Variants in BLM observed in about 807,000 individuals in gnomAD.
The protein encoded by BLM is recQ-like DNA helicase BLM.
Under a neutral mutation model 135.3 loss-of-function variants are expected in BLM, and 95 were observed. That is an observed-to-expected ratio of 0.70 (90% CI 0.59 to 0.83). The LOEUF is 0.83. BLM is among the 40% of genes least tolerant of loss of function. The pLI is 0.00. For synonymous variants in BLM, 520 were observed against 589.2 expected (o/e 0.88, Z 1.70); for missense variants, 1,518 against 1,663.9 (o/e 0.91, Z 1.53).
intron 14 of BLM, among the ~76,000 whole-genome samples, chr15:90,785,542 C>A (rs1378659889): frequency 1.5e-5 from 2 of 137,246 alleles, no homozygotes; most frequent in African/African-American, 5.4e-5. Flanking sequence ...TGTGACTTTT[C>A]TTTTTTTTTT....
rs759308711 is a variant in BLM, at chr15:90,760,271, G to C, written c.1212G>C (p.Arg404=). The C allele has an allele frequency of 6.2e-7, 1 of 1,614,000 alleles. No individual in the cohort carries two copies. The highest frequency in any genetic ancestry group is 8.5e-7 in the Non-Finnish European group (1 of 1,179,994). Residue 404 remains arginine, a synonymous_variant, in exon 6 of 22, where the codon CGG becomes CGC. Transcript: ENST00000355112. ...LDCGNELLQQ[R]NIRRKLLTEV... The stretch of plus-strand genomic sequence containing the variant: ...GTGGGAACGAACTGCTTCAGCAGCG[G>C]AACATAAGGTATCTTAATTTTCCCC...
At chr15:90,765,150 G>A in intron 8 of BLM, 146 bp from the exon 9 acceptor site, 2 of 729,208 alleles carry the variant, frequency 2.7e-6, no homozygotes, top group Non-Finnish European at 2.5e-6. Flanking sequence ...AAATATAATA[G>A]TTTGAGTCAT....
At chr15:90,794,610 C>T (rs1420429528) in intron 16 of BLM, among the ~76,000 whole-genome samples, 1 of 151,272 alleles carries the variant, frequency 6.6e-6, no homozygotes, top group Non-Finnish European at 1.5e-5. Flanking sequence ...TATATATGTG[C>T]ACTGATGATT....
chr15:90,785,492 G>A (rs1033212223), intron 14 of BLM, among the ~76,000 whole-genome samples: 7 of 150,584 alleles, frequency 4.6e-5, no homozygotes, highest in African/African-American at 1.7e-4. Flanking sequence ...TTATTACTCT[G>A]TACATTGCAT....
At chr15:90,740,034 G>T (rs1276299573) in intron 1 of BLM, among the ~76,000 whole-genome samples, 1 of 152,080 alleles carries the variant, frequency 6.6e-6, no homozygotes, top group Admixed American at 6.6e-5. Flanking sequence ...CAAAGGGCTG[G>T]GATTACAGGC....
chr15:90,812,286 C>T (rs978968098), intron 21 of BLM, among the ~76,000 whole-genome samples: 8 of 152,074 alleles, frequency 5.3e-5, no homozygotes, highest in African/African-American at 1.9e-4. Context: ...ACAGAGAAAC[C>T]AAAAGTTCAG....
Position 90,784,394 on chromosome 15 carries a change from G to A in BLM, c.2663-527G>A, listed in dbSNP as rs528072144. ...TATCTCCAGGCAGGAGTGCGGTGGT[G>A]CGATCTCGGCTCACTGCAACCTCTA... is the stretch of plus-strand genomic sequence containing the variant. On this transcript the variant is annotated intron_variant, in intron 13 of 21. Transcript: ENST00000355112. Among the ~76,000 whole-genome samples, 20 of 141,186 alleles carry A rather than the reference G, an allele frequency of 1.4e-4. No homozygotes were observed. The Admixed American group carries it at 1.4e-3, about 10-fold the overall frequency. The allele number at this position is 141,186 out of a possible 152,430, so 92.6% of individuals were successfully genotyped here.
At position 90,769,483 on chromosome 15, in the gene BLM, C is replaced by G. The variant is rs1279814185; in HGVS notation, c.2452C>G (p.Arg818Gly). ...AGATTACAAAAGAATGAATATGCTT[C>G]GCCAGAAGTTTCCTTCTGTTCCGGT... Reference protein sequence around the residue: ...RQDYKRMNMLRQKFPSVPVMA... With the variant: ...RQDYKRMNMLGQKFPSVPVMA... Residue 818 changes from arginine (R) to glycine (G), a missense_variant, in exon 12 of 22, where the codon CGC (arginine) becomes GGC (glycine). Physicochemically the swap from Arg to Gly is moderately radical, Grantham distance 125. Around this residue, in one of 5 missense-constraint regions of BLM, gnomAD observed 626 missense variants for 681.1 expected, o/e 0.92. Coordinates refer to ENST00000355112, the MANE Select transcript of BLM (RefSeq NM_000057.4). The G allele has an allele frequency of 2.0e-5, 32 of 1,613,916 alleles. No homozygotes were observed. The highest frequency in any genetic ancestry group is 2.6e-5 in the Non-Finnish European group (31 of 1,179,958).
chr15:90,756,244 C>T (rs1895815147), intron 5 of BLM, among the ~76,000 whole-genome samples: 1 of 152,136 alleles, frequency 6.6e-6, no homozygotes, highest in African/African-American at 2.4e-5. Flanking sequence ...GCTGGGATTA[C>T]AGGTGTGTAC....
rs1897535910 is a variant in BLM at position 90,815,347 on chromosome 15, A to G, written c.*68A>G. The G allele has an allele frequency of 6.5e-7, 1 of 1,542,526 alleles. No homozygotes were observed. The highest frequency in any genetic ancestry group is 9.0e-7 in the Non-Finnish European group (1 of 1,116,824). On this transcript the variant is annotated 3_prime_UTR_variant, in exon 22 of 22. Coordinates refer to ENST00000355112, the MANE Select transcript of BLM (RefSeq NM_000057.4). This position sits in a 1 kb window ranked among gnomAD's most constrained non-coding sequence, Gnocchi z 4.6. ...AGCATCTGACCATCTGTGACTATAA[A>G]GCTGTTATTCTTGTTATACCATTTG...
chr15:90,797,999 C>T (rs956712937), intron 16 of BLM, among the ~76,000 whole-genome samples, 191 bp from the exon 17 acceptor site: 2 of 152,078 alleles, frequency 1.3e-5, no homozygotes, highest in African/African-American at 2.4e-5. Flanking sequence ...CTCTGTGAAA[C>T]AGTAACAACA....
intron 1 of BLM, among the ~76,000 whole-genome samples, chr15:90,718,342 A>G (rs1254141055): frequency 2.0e-5 from 3 of 152,220 alleles, no homozygotes; most frequent in Non-Finnish European, 2.9e-5. Flanking sequence ...ATGTCCCACA[A>G]CATTAGGCTT....
intron 12 of BLM, among the ~76,000 whole-genome samples, chr15:90,779,689 G>A (rs1217104064): frequency 6.6e-6 from 1 of 152,136 alleles, no homozygotes; most frequent in Admixed American, 6.5e-5. Context: ...TGCATTCTGT[G>A]ATTATAGAGA....
At chr15:90,746,319 G>C (rs983754143) in intron 1 of BLM, among the ~76,000 whole-genome samples, 8 of 152,064 alleles carry the variant, frequency 5.3e-5, no homozygotes, top group African/African-American at 1.9e-4. Flanking sequence ...TAATTCACAT[G>C]CCAGTGTGAA....
At chr15:90,739,772 G>GT (rs1895316125) in intron 1 of BLM, among the ~76,000 whole-genome samples, 1 of 151,950 alleles carries the variant, frequency 6.6e-6, no homozygotes, top group African/African-American at 2.4e-5. Context: ...ATTATTATTT[G>GT]TTTATTTTTT....
At chr15:90,766,314 G>A (rs887800872) in intron 9 of BLM, among the ~76,000 whole-genome samples, 2 of 151,858 alleles carry the variant, frequency 1.3e-5, no homozygotes, top group African/African-American at 4.8e-5. Context: ...CCATACAGTA[G>A]GACTGGAATA....
intron 5 of BLM, among the ~76,000 whole-genome samples, chr15:90,758,615 T>C (rs980744732): frequency 7.2e-5 from 11 of 152,226 alleles, no homozygotes; most frequent in African/African-American, 2.7e-4. Flanking sequence ...TTGCTCTGTC[T>C]CTCACTTCCC....
intron 14 of BLM, among the ~76,000 whole-genome samples, chr15:90,789,042 GA>G (rs1896832017): frequency 6.8e-6 from 1 of 146,254 alleles, no homozygotes; most frequent in Non-Finnish European, 1.5e-5. Flanking sequence ...CTACAATGGA[GA>G]TATATATATA....
chr15:90,810,006 G>T (rs1897372666), intron 20 of BLM, among the ~76,000 whole-genome samples: 1 of 151,810 alleles, frequency 6.6e-6, no homozygotes, highest in African/African-American at 2.4e-5. Flanking sequence ...CAGTGTGGGG[G>T]TCTTCCCAAG....
Sources: allele counts gnomAD v4.1 joint callset (sites outside exome capture counted in the v4.1 genomes callset), GRCh38; gene constraint gnomAD v4.1.1; regional missense constraint gnomAD v4.1.1; non-coding constraint Gnocchi (gnomAD v3.1); transcripts MANE v1.5; gene names NCBI Gene and HGNC (gene_info 2026-07-23, HGNC 2026-07-21).